The following DPP10 variants were observed in gnomAD, a reference collection of about 807,000 sequenced individuals.
DPP10 encodes dipeptidyl peptidase like 10, also known as inactive dipeptidyl peptidase 10.
A neutral mutation model predicts 120.9 loss-of-function variants in DPP10; 33 were observed. That is an observed-to-expected ratio of 0.27 (90% CI 0.21 to 0.37). DPP10 has a LOEUF of 0.37. Among genes scored for constraint, DPP10 ranks in the 10% least tolerant of loss-of-function variants. The pLI is 1.00. For missense variants in DPP10, 816 were observed against 942.8 expected, an observed-to-expected ratio of 0.87 and a Z score of 1.76; for synonymous variants, 337 against 326.1, an observed-to-expected ratio of 1.03 and a Z score of -0.36.
intron 5 of DPP10, among the ~76,000 whole-genome samples, chr2:115,642,208 A>C (rs1216444076): frequency 6.6e-6 from 1 of 152,158 alleles, no homozygotes; most frequent in African/African-American, 2.4e-5. Flanking sequence ...AACTTAAAAC[A>C]CCGAGATGGT....
intron 5 of DPP10, among the ~76,000 whole-genome samples, chr2:115,611,761 C>T (rs1245254629): frequency 1.3e-5 from 2 of 152,052 alleles, no homozygotes; most frequent in African/African-American, 4.8e-5. Context: ...TCTGTGTTAG[C>T]CTACCTACTT....
At position 114,490,722 on chromosome 2, in the gene DPP10, G is replaced by C. The variant is rs146897355; in HGVS notation, c.60+47884G>C. 3.1e-3 allele frequency among the ~76,000 whole-genome samples: 465 copies of C among 151,998 alleles called. 10 individuals carry two copies. The East Asian group carries it at 0.061, about 20-fold the overall frequency. ...TCTGAATTTGGAGCTTTAAGATCTA[G>C]GTTTGTGATCTTGGGCAAGGTACCT... On this transcript the variant is annotated intron_variant, in intron 1 of 25. Transcript: ENST00000410059.
chr2:114,988,407 G>A (rs988859330), intron 1 of DPP10, among the ~76,000 whole-genome samples: 2 of 152,180 alleles, frequency 1.3e-5, no homozygotes, highest in African/African-American at 4.8e-5. Flanking sequence ...GTGAGAAGGA[G>A]GAGATGGCAA....
At chr2:114,638,559 T>C (rs1695472858) in intron 1 of DPP10, among the ~76,000 whole-genome samples, 2 of 151,806 alleles carry the variant, frequency 1.3e-5, no homozygotes, top group South Asian at 2.1e-4. Context: ...GAAATGCAAC[T>C]CAGAACCACA....
At chr2:115,716,296 C>G (rs564851872) in intron 7 of DPP10, among the ~76,000 whole-genome samples, 2 of 152,318 alleles carry the variant, frequency 1.3e-5, no homozygotes, top group Admixed American at 1.3e-4. Context: ...AGGCATTACT[C>G]TGTTGAATAC....
At chr2:115,229,689 C>CTATT (rs1299566775) in intron 1 of DPP10, among the ~76,000 whole-genome samples, 10 of 139,724 alleles carry the variant, frequency 7.2e-5, no homozygotes, top group African/African-American at 1.1e-4. Context: ...TCTGAGTTCT[C>CTATT]CTATTCTATT....
At chr2:115,578,140 T>C (rs2081793906) in intron 5 of DPP10, among the ~76,000 whole-genome samples, 1 of 152,146 alleles carries the variant, frequency 6.6e-6, no homozygotes, top group Admixed American at 6.5e-5. Flanking sequence ...CTCCACTGTC[T>C]CTCCTTTGCT....
intron 1 of DPP10, among the ~76,000 whole-genome samples, chr2:114,842,655 G>T (rs1481644879): frequency 1.3e-5 from 2 of 152,064 alleles, no homozygotes; most frequent in East Asian, 1.9e-4. Context: ...TTCCACCATT[G>T]CCAGTCTACA....
At chr2:115,611,766 C>G (rs1490888370) in intron 5 of DPP10, among the ~76,000 whole-genome samples, 6 of 152,042 alleles carry the variant, frequency 3.9e-5, no homozygotes, top group African/African-American at 1.4e-4. Flanking sequence ...GTTAGCCTAC[C>G]TACTTATTAG....
intron 1 of DPP10, among the ~76,000 whole-genome samples, chr2:114,559,891 C>CAAAAAAAAAAAAAAGA (rs1688619853): frequency 1.5e-5 from 1 of 65,952 alleles, no homozygotes; most frequent in Non-Finnish European, 3.1e-5. Flanking sequence ...AGAAAAAAAG[C>CAAAAAAAAAAAAAAGA]AAAAAAAAAA....
At chr2:115,549,077 T>C (rs146254280) in intron 5 of DPP10, among the ~76,000 whole-genome samples, 9 of 152,268 alleles carry the variant, frequency 5.9e-5, no homozygotes, top group African/African-American at 2.2e-4. Flanking sequence ...CTTAGTTCCC[T>C]CCTTTGCTAT....
intron 1 of DPP10, among the ~76,000 whole-genome samples, chr2:115,118,870 C>T (rs1311816588): frequency 6.6e-6 from 1 of 152,060 alleles, no homozygotes; most frequent in Non-Finnish European, 1.5e-5. Flanking sequence ...CCACCTCGGC[C>T]TCTCAAAATG....
intron 1 of DPP10, among the ~76,000 whole-genome samples, chr2:114,652,685 GCCAGATACATTTTCC>G (rs1367756367): frequency 6.6e-6 from 1 of 152,176 alleles, no homozygotes; most frequent in East Asian, 1.9e-4. Flanking sequence ...CTCTATAAAT[GCCAGATACATTTTCC>G]CCAAGTATGC....
At chr2:114,680,855 G>A (rs919865343) in intron 1 of DPP10, among the ~76,000 whole-genome samples, 5 of 151,854 alleles carry the variant, frequency 3.3e-5, no homozygotes, top group Admixed American at 6.6e-5. Flanking sequence ...TGACTAATAC[G>A]TGGTCCCATA....
At chr2:115,708,230 A>T (rs1042002067) in intron 7 of DPP10, among the ~76,000 whole-genome samples, 21 of 151,992 alleles carry the variant, frequency 1.4e-4, no homozygotes, top group Admixed American at 3.3e-4. Flanking sequence ...TTTAAGTGTT[A>T]GAAGAGGAAC....
At chr2:114,501,681 C>T (rs779060931) in intron 1 of DPP10, among the ~76,000 whole-genome samples, 3 of 152,110 alleles carry the variant, frequency 2.0e-5, no homozygotes, top group Non-Finnish European at 4.4e-5. Flanking sequence ...GTCTACATTA[C>T]ATCTTGGGGC....
At chr2:114,533,420 C>T (rs1366031656) in intron 1 of DPP10, among the ~76,000 whole-genome samples, 1 of 152,006 alleles carries the variant, frequency 6.6e-6, no homozygotes, top group Non-Finnish European at 1.5e-5. Flanking sequence ...AATGAGAACA[C>T]ATGGACACAG....
chr2:114,934,791 G>A (rs1319975841), intron 1 of DPP10, among the ~76,000 whole-genome samples: 1 of 152,116 alleles, frequency 6.6e-6, no homozygotes, highest in Non-Finnish European at 1.5e-5. Flanking sequence ...CAGGGTTGAG[G>A]GGAGGAGGTA....
At chr2:115,330,155 T>C (rs2062625410) in intron 2 of DPP10, among the ~76,000 whole-genome samples, 1 of 152,018 alleles carries the variant, frequency 6.6e-6, no homozygotes, top group Admixed American at 6.6e-5. Flanking sequence ...TGGTATCTCA[T>C]TGTGGTTTTG....
Sources: allele counts gnomAD v4.1 joint callset (sites outside exome capture counted in the v4.1 genomes callset), GRCh38; gene constraint gnomAD v4.1.1; transcripts MANE v1.5; gene names NCBI Gene and HGNC (gene_info 2026-07-23, HGNC 2026-07-21).